CENPE: variants seen among roughly 807,000 people sequenced by gnomAD.
CENPE encodes centromere-associated protein E.
CENPE carries 145 observed loss-of-function variants against 336.1 expected under a neutral mutation model. That is an observed-to-expected ratio of 0.43 (90% confidence interval 0.38 to 0.50). The LOEUF (loss-of-function observed/expected upper bound fraction) is 0.50. CENPE is among the 20% of genes least tolerant of loss of function. The pLI is 0.00. For missense variants in CENPE, 2,719 were observed against 3,023.3 expected (o/e 0.90, Z 2.36); for synonymous variants, 1,013 against 984.8 (o/e 1.03, Z -0.54).
intron 45 of CENPE, 40 bp from the exon 46 acceptor site, chr4:103,114,592 T>A: frequency 7.7e-7 from 1 of 1,299,050 alleles, no homozygotes; most frequent in Non-Finnish European, 1.1e-6. Context: ...GCTCAGCAAC[T>A]GATTTTTTAC....
At chr4:103,114,316 A>G (rs764055376) in intron 46 of CENPE, 139 bp downstream of exon 46, 26 of 567,212 alleles carry the variant, frequency 4.6e-5, no homozygotes, top group Non-Finnish European at 6.9e-5. Flanking sequence ...TATGGTTCCA[A>G]TAAATTCATT....
rs1225142652 is a variant in CENPE, at chr4:103,149,322, C to A, written c.3483G>T (p.Glu1161Asp). 4 of 1,610,840 alleles carry A rather than the reference C, an allele frequency of 2.5e-6. No individual in the cohort carries two copies. The highest frequency in any genetic ancestry group is 2.2e-5 in the East Asian group (1 of 44,780). The change falls in exon 27 of 49, where the codon GAG (glutamate) becomes GAT (aspartate). Residue 1161 changes from glutamate (E) to aspartate (D), a missense_variant. By Grantham distance (45) the Glu-to-Asp change is conservative. Coordinates refer to ENST00000265148, the MANE Select transcript of CENPE (RefSeq NM_001813.3). ...SEMQKKINEI[E>D]NLKNELKNKE... is the part of the protein sequence containing the mutation. ...TGTTCTTTAATTCATTCTTTAAATT[C>A]TCTATTTCATTAATCTTTTTCTGCA...
chr4:103,145,470 A>G, intron 31 of CENPE, 53 bp downstream of exon 31: 2 of 1,490,654 alleles, frequency 1.3e-6, no homozygotes, highest in South Asian at 1.3e-5. Context: ...TAATTCAGTT[A>G]GCTACTCCAA....
chr4:103,109,016 CT>C lies in CENPE; in HGVS notation c.7797del (p.Val2600Ter). The part of the protein sequence containing the change: ...ERTLKREAHK[Q>X]VTCENSPKSP... ...GACTTTGGAGAATTCTCACAAGTTACTTGTTTGTGAGCCTCTCTTTTAAGGG... is the reference window on the plus strand; with the variant it reads ...GACTTTGGAGAATTCTCACAAGTTACTGTTTGTGAGCCTCTCTTTTAAGGG... On this transcript the variant is annotated frameshift_variant, in exon 48 of 49. Transcript: ENST00000265148. LOFTEE classifies it high-confidence loss of function. 1 of 1,613,482 alleles carries C rather than the reference CT, an allele frequency of 6.2e-7. No individual in the cohort carries two copies.
In CENPE at chr4:103,110,724, T is replaced by C. The variant is rs993253208; in HGVS notation, c.7724+104A>G. On this transcript the variant is annotated intron_variant, in intron 47 of 48. Transcript: ENST00000265148. Reference sequence around the variant, plus strand: ...GCTCTAAAAATTACTTTCCCCATAATGACTGAAGTGTTACCACCTGCAAAA... The same window carrying C: ...GCTCTAAAAATTACTTTCCCCATAACGACTGAAGTGTTACCACCTGCAAAA... 6 of 704,630 alleles carry C rather than the reference T, an allele frequency of 8.5e-6. No individual in the cohort carries two copies. In the Admixed American group the frequency reaches 2.2e-4, roughly 26 times the overall value. The allele number at this position is 704,630 out of a possible 1,614,324, so 43.6% of individuals were successfully genotyped here. A position where few individuals can be genotyped will look rare whatever the true frequency, so the allele number is the denominator to read the frequency against.
chr4:103,161,400 C>T lies in CENPE; in HGVS notation c.1900G>A (p.Ala634Thr), dbSNP rs61758370. 51 of 1,612,730 alleles carry T rather than the reference C, an allele frequency of 3.2e-5. No homozygotes were observed. Among genetic ancestry groups the T allele is most frequent in the Non-Finnish European group, 4.2e-5 (50 of 1,179,380 alleles). Residue 634 changes from alanine (A) to threonine (T), a missense_variant, in exon 19 of 49, where the codon GCC (alanine) becomes ACC (threonine). This residue lies in a region of CENPE where 2,437 missense variants were observed against 2,513.3 expected (regional missense o/e 0.97). Coordinates refer to ENST00000265148, the MANE Select transcript of CENPE (RefSeq NM_001813.3). Reference protein sequence around the residue: ...KQTLFDAETVALDAKRESAFL... With the variant: ...KQTLFDAETVTLDAKRESAFL... ...GCTGATTCTCTCTTGGCATCAAGGG[C>T]TACAGTTTCAGCATCAAACAGAGTC... is the stretch of plus-strand genomic sequence containing the variant.
At chr4:103,116,517 T>C (rs554635645) in intron 45 of CENPE, 60 bp downstream of exon 45, 6 of 752,944 alleles carry the variant, frequency 8.0e-6, no homozygotes, top group Non-Finnish European at 1.1e-5. Flanking sequence ...GAAAAGTATA[T>C]GTAGTTTAGG....
intron 34 of CENPE, 151 bp from the exon 35 acceptor site, chr4:103,142,059 C>T: frequency 1.8e-6 from 1 of 566,800 alleles, no homozygotes; most frequent in South Asian, 2.5e-5. Flanking sequence ...CTTCCCTGTC[C>T]TCCTCTCTTC....
Position 103,144,471 on chromosome 4 carries a change from T to C in CENPE, c.5005A>G (p.Arg1669Gly). 6.2e-7 allele frequency: 1 copy of C among 1,614,160 alleles called. No homozygotes were observed. Among genetic ancestry groups the C allele is most frequent in the Non-Finnish European group, 8.5e-7 (1 of 1,180,006 alleles). Reference sequence around the variant, plus strand: ...TTTTCATGTAGTATCTGAGTCAACCTTATATTCTCCGTTTCTATGTTTTCC... The same window carrying C: ...TTTTCATGTAGTATCTGAGTCAACCCTATATTCTCCGTTTCTATGTTTTCC... ...NLENIETENI[R>G]LTQILHENLE... Residue 1669 changes from arginine to glycine, a missense_variant, in exon 33 of 49, where the codon AGG (arginine) becomes GGG (glycine). Around this residue, in one of 5 missense-constraint regions of CENPE, gnomAD observed 2,437 missense variants for 2,513.3 expected, o/e 0.97. Coordinates refer to ENST00000265148, the MANE Select transcript of CENPE (RefSeq NM_001813.3).
chr4:103,178,793 T>C (rs1003467419), intron 13 of CENPE, among the ~76,000 whole-genome samples: 39 of 152,322 alleles, frequency 2.6e-4, no homozygotes, highest in African/African-American at 9.1e-4. Context: ...CAGCTAAACC[T>C]GGGCTGCTTT....
chr4:103,182,929 G>T, intron 10 of CENPE, 38 bp from the exon 11 acceptor site: 2 of 1,591,446 alleles, frequency 1.3e-6, no homozygotes, highest in South Asian at 2.3e-5. Flanking sequence ...AAAAGATTGA[G>T]AACGTTTATA....
chr4:103,165,882 A>ATT (rs1560651558), intron 16 of CENPE, among the ~76,000 whole-genome samples: 118 of 149,412 alleles, frequency 7.9e-4, no homozygotes, highest in Middle Eastern at 3.5e-3. Flanking sequence ...TGTGTTTTAA[A>ATT]AAAAAAAAAA....
At chr4:103,120,025 A>C in intron 44 of CENPE, 123 bp downstream of exon 44, 1 of 648,424 alleles carries the variant, frequency 1.5e-6, no homozygotes, top group South Asian at 2.2e-5. Context: ...ACTGAACTTC[A>C]GAAACACATA....
intron 24 of CENPE, among the ~76,000 whole-genome samples, chr4:103,156,113 T>A (rs138017925): frequency 6.6e-6 from 1 of 152,198 alleles, no homozygotes; most frequent in Non-Finnish European, 1.5e-5. Flanking sequence ...TGGTAAGACA[T>A]CCCATGTTCA....
At chr4:103,157,557 T>C (rs1407279746) in intron 24 of CENPE, among the ~76,000 whole-genome samples, 2 of 151,822 alleles carry the variant, frequency 1.3e-5, no homozygotes, top group Non-Finnish European at 1.5e-5. Flanking sequence ...GAAAAATAAA[T>C]GGTGGTAGCC....
At position 103,148,991 on chromosome 4, in the gene CENPE, T is replaced by C; in HGVS notation, c.3696A>G (p.Gln1232=). ...YIREIEATGL[Q]TKEELKIAHI... is the part of the protein sequence containing the mutation. The stretch of plus-strand genomic sequence containing the variant: ...GAGCAATTTTTAGTTCTTCTTTGGT[T>C]TGTAGGCCCTTGGCGAGTGAAATTT... Residue 1232 remains glutamine (Q), a synonymous_variant, in exon 28 of 49, where the codon CAA becomes CAG. Coordinates refer to ENST00000265148, the MANE Select transcript of CENPE (RefSeq NM_001813.3). 1 of 1,612,860 alleles carries C rather than the reference T, an allele frequency of 6.2e-7. No individual in the cohort carries two copies. The highest frequency in any genetic ancestry group is 1.7e-5 in the Admixed American group (1 of 59,818).
intron 42 of CENPE, among the ~76,000 whole-genome samples, chr4:103,125,465 T>C (rs574818081): frequency 6.6e-6 from 1 of 152,264 alleles, no homozygotes; most frequent in East Asian, 1.9e-4. Context: ...TTAAGCAATG[T>C]TGGTCCTTAT....
chr4:103,170,362 A>G (rs1395539395), intron 16 of CENPE, among the ~76,000 whole-genome samples: 1 of 152,206 alleles, frequency 6.6e-6, no homozygotes, highest in Non-Finnish European at 1.5e-5. Flanking sequence ...TACTGAAGGA[A>G]AACAGTTGTA....
chr4:103,149,256 C>T lies in CENPE; in HGVS notation c.3549G>A (p.Glu1183=). The T allele has an allele frequency of 6.2e-7, 1 of 1,613,116 alleles. No individual in the cohort carries two copies. The change falls in exon 27 of 49, where the codon GAG becomes GAA. Residue 1183 remains glutamate (E), a synonymous_variant. Transcript: ENST00000265148. ...TLEHMETERL[E]LAQKLNENYE... Reference sequence around the variant, plus strand: ...AATTTTCATTAAGTTTCTGAGCCAACTCAAGCCTCTCTGTTTCCATATGTT... The same window carrying T: ...AATTTTCATTAAGTTTCTGAGCCAATTCAAGCCTCTCTGTTTCCATATGTT...
Sources: gnomAD v4.1 joint callset for allele counts (sites outside exome capture counted in the v4.1 genomes callset) on GRCh38, gnomAD v4.1.1 for gene constraint, gnomAD v4.1.1 regional missense constraint, MANE v1.5 for transcripts, NCBI Gene and HGNC (gene_info 2026-07-23, HGNC 2026-07-21) for gene names.